Variants in NCAM2 observed in about 807,000 individuals in gnomAD.
NCAM2 encodes the protein neural cell adhesion molecule 2, also known as N-CAM-2.
In NCAM2, 30 loss-of-function variants were observed where a neutral mutation model predicts 98.1. That is an observed-to-expected ratio of 0.31 (90% CI 0.23 to 0.41). NCAM2 has a LOEUF of 0.41. NCAM2 is among the 10% of genes least tolerant of loss of function. NCAM2 has a pLI of 1.00. For missense variants in NCAM2, 867 were observed against 1,005.8 expected, an observed-to-expected ratio of 0.86 and a Z score of 1.87; for synonymous variants, 368 against 342.4, an observed-to-expected ratio of 1.07 and a Z score of -0.83.
chr21:21,390,676 T>C (rs928972253), intron 9 of NCAM2, among the ~76,000 whole-genome samples: 1 of 152,258 alleles, frequency 6.6e-6, no homozygotes, highest in Non-Finnish European at 1.5e-5. Context: ...GAGTTTGTTA[T>C]ATATTTTTCT....
chr21:21,423,163 C>A (rs1023505931), intron 11 of NCAM2, among the ~76,000 whole-genome samples: 3 of 152,038 alleles, frequency 2.0e-5, no homozygotes, highest in African/African-American at 7.3e-5. Flanking sequence ...TTAATTGATG[C>A]AGGTTTCTGA....
At chr21:21,533,515 A>G (rs1419787649) in intron 16 of NCAM2, among the ~76,000 whole-genome samples, 1 of 151,972 alleles carries the variant, frequency 6.6e-6, no homozygotes, top group African/African-American at 2.4e-5. Context: ...TTACTTACCC[A>G]TTACCTACTA....
intron 5 of NCAM2, among the ~76,000 whole-genome samples, chr21:21,321,923 T>G (rs150199590): frequency 6.6e-6 from 1 of 152,266 alleles, no homozygotes; most frequent in East Asian, 1.9e-4. Flanking sequence ...GCAAAGAACT[T>G]AAGCAGAACT....
chr21:21,435,860 A>G (rs1316872114), intron 12 of NCAM2, among the ~76,000 whole-genome samples: 1 of 152,136 alleles, frequency 6.6e-6, no homozygotes, highest in Non-Finnish European at 1.5e-5. Context: ...TTTTGGGGAA[A>G]ACCAAGTTTT....
At chr21:21,206,514 T>C (rs1177997158) in intron 1 of NCAM2, among the ~76,000 whole-genome samples, 1 of 152,156 alleles carries the variant, frequency 6.6e-6, no homozygotes, top group Non-Finnish European at 1.5e-5. Flanking sequence ...CATATAGTCT[T>C]ACTGGGTTTG....
chr21:21,375,337 G>GA (rs982351575), intron 9 of NCAM2, among the ~76,000 whole-genome samples: 2 of 147,096 alleles, frequency 1.4e-5, no homozygotes, highest in East Asian at 2.0e-4. Flanking sequence ...GTAACTAAAA[G>GA]AAAAAAAAAG....
rs558750936 is a variant in NCAM2, at chr21:21,326,686, T to C, written c.737+2186T>C. ...AATGAGTAATTTAAATTTATATTTT[T>C]TCTTCTCCATATCTTCATATGGTAT... On this transcript the variant is annotated intron_variant, in intron 6 of 17. Coordinates refer to ENST00000400546, the MANE Select transcript of NCAM2 (RefSeq NM_004540.5). Among the ~76,000 whole-genome samples, 3 of 152,302 alleles carry C rather than the reference T, an allele frequency of 2.0e-5. No individual in the cohort carries two copies. In the East Asian group the frequency reaches 5.8e-4, roughly 29 times the overall value.
At chr21:21,280,008 A>T (rs1328524579) in intron 1 of NCAM2, among the ~76,000 whole-genome samples, 1 of 152,242 alleles carries the variant, frequency 6.6e-6, no homozygotes, top group East Asian at 1.9e-4. Flanking sequence ...TATTTAAAAT[A>T]TCAGGCATCT....
intron 1 of NCAM2, among the ~76,000 whole-genome samples, chr21:21,130,674 G>C (rs1167421681): frequency 6.6e-6 from 1 of 152,026 alleles, no homozygotes; most frequent in Non-Finnish European, 1.5e-5. Context: ...TCATATCTGA[G>C]GAAATGCTTT....
chr21:21,190,003 G>A (rs1331919760), intron 1 of NCAM2, among the ~76,000 whole-genome samples: 1 of 152,198 alleles, frequency 6.6e-6, no homozygotes, highest in Non-Finnish European at 1.5e-5. Context: ...ACAAAGGAGA[G>A]CAGCTGCTAA....
chr21:21,180,859 G>A (rs184943508), intron 1 of NCAM2, among the ~76,000 whole-genome samples: 31 of 152,260 alleles, frequency 2.0e-4, no homozygotes, highest in African/African-American at 7.5e-4. Flanking sequence ...CTGTACCAAT[G>A]CTGTGAGAAA....
rs144285358 is a variant in NCAM2 at position 21,031,327 on chromosome 21, C to T, written c.55+32709C>T. 3.0e-3 allele frequency among the ~76,000 whole-genome samples: 459 copies of T among 152,218 alleles called. 14 individuals carry two copies. Among genetic ancestry groups the T allele is most frequent in the South Asian group, 0.015 (73 of 4,828 alleles). On this transcript the variant is annotated intron_variant, in intron 1 of 17. Coordinates refer to ENST00000400546, the MANE Select transcript of NCAM2 (RefSeq NM_004540.5). ...GGTATTAATCCCAATAAATAAAATACCTTAAATCGAGACATGAAGAGCCTT... is the reference window on the plus strand; with the variant it reads ...GGTATTAATCCCAATAAATAAAATATCTTAAATCGAGACATGAAGAGCCTT...
At chr21:21,429,338 ACAAT>A (rs1173210195) in intron 11 of NCAM2, among the ~76,000 whole-genome samples, 2 of 152,212 alleles carry the variant, frequency 1.3e-5, no homozygotes, top group Non-Finnish European at 2.9e-5. Context: ...GTAAAAACAA[ACAAT>A]CATGTTTATA....
chr21:21,452,270 T>TGTGTATA (rs1452943714), intron 12 of NCAM2, among the ~76,000 whole-genome samples: 1 of 150,524 alleles, frequency 6.6e-6, no homozygotes, highest in Non-Finnish European at 1.5e-5. Context: ...TACATACATA[T>TGTGTATA]TCTAACACAA....
intron 1 of NCAM2, among the ~76,000 whole-genome samples, chr21:21,045,273 A>C (rs2064986743): frequency 6.6e-6 from 1 of 152,266 alleles, no homozygotes; most frequent in South Asian, 2.1e-4. Flanking sequence ...CAAGGCAAAT[A>C]AATAAATAAA....
chr21:21,476,251 T>C (rs1237547294), intron 14 of NCAM2, among the ~76,000 whole-genome samples: 1 of 152,140 alleles, frequency 6.6e-6, no homozygotes, highest in African/African-American at 2.4e-5. Flanking sequence ...GTTGCAATGA[T>C]AGATTATTAG....
intron 1 of NCAM2, among the ~76,000 whole-genome samples, chr21:21,264,127 G>A (rs1207684199): frequency 6.6e-6 from 1 of 151,856 alleles, no homozygotes; most frequent in Non-Finnish European, 1.5e-5. Context: ...GAATCTATAG[G>A]GAACTTAAAC....
intron 8 of NCAM2, among the ~76,000 whole-genome samples, chr21:21,371,296 G>C (rs1237510807): frequency 6.6e-6 from 1 of 151,648 alleles, no homozygotes; most frequent in Non-Finnish European, 1.5e-5. Flanking sequence ...GGAGAGTGTT[G>C]GTTTTTCTGT....
chr21:21,346,681 T>G (rs1356539019), intron 8 of NCAM2, among the ~76,000 whole-genome samples: 1 of 152,044 alleles, frequency 6.6e-6, no homozygotes, highest in East Asian at 1.9e-4. Context: ...AAGCATCCTC[T>G]CTGACCACAA....
Sources: gnomAD v4.1 joint callset for allele counts (sites outside exome capture counted in the v4.1 genomes callset) on GRCh38, gnomAD v4.1.1 for gene constraint, MANE v1.5 for transcripts, NCBI Gene and HGNC (gene_info 2026-07-23, HGNC 2026-07-21) for gene names.